FRMPD4: variants seen among roughly 807,000 people sequenced by gnomAD.
The protein encoded by FRMPD4 is FERM and PDZ domain containing 4.
FRMPD4 carries 22 observed loss-of-function variants against 94.1 expected under a neutral mutation model. The observed-to-expected ratio is 0.23, with a 90% CI of 0.17 to 0.33. FRMPD4 has a LOEUF of 0.33. FRMPD4 is among the 10% of genes least tolerant of loss of function. FRMPD4 has a pLI of 1.00. For synonymous variants in FRMPD4, 631 were observed against 548.6 expected, an observed-to-expected ratio of 1.15 and a Z score of -2.10; for missense variants, 1,111 against 1,339.9, an observed-to-expected ratio of 0.83 and a Z score of 2.67.
intron 1 of FRMPD4, among the ~76,000 whole-genome samples, chrX:12,163,648 T>C (rs771222611): frequency 8.9e-6 from 1 of 112,118 alleles, no homozygotes; most frequent in Non-Finnish European, 1.9e-5. Context: ...CCATTAAGGA[T>C]AGCACTATCC....
chrX:12,718,823 A>G (rs909243759), intron 16 of FRMPD4, 33 bp downstream of exon 16: 1 of 877,319 alleles, frequency 1.1e-6, no homozygotes, highest in African/African-American at 2.0e-5. Context: ...ACTTTGTATG[A>G]CATGCCAAGA....
At chrX:11,909,281 G>A (rs1451970376) in intron 3 of FRMPD4, among the ~76,000 whole-genome samples, 1 of 111,918 alleles carries the variant, frequency 8.9e-6, no homozygotes, top group African/African-American at 3.2e-5. Context: ...AGTTTTGGCA[G>A]TTTGTGTCTT....
At chrX:12,691,325 C>T (rs1018498688) in intron 8 of FRMPD4, among the ~76,000 whole-genome samples, 6 of 110,245 alleles carry the variant, frequency 5.4e-5, no homozygotes. Flanking sequence ...CTCTGCTGCC[C>T]AGAGTGGAGT....
intron 4 of FRMPD4, among the ~76,000 whole-genome samples, chrX:12,630,152 G>A (rs898695417): frequency 1.8e-5 from 2 of 111,783 alleles, no homozygotes; most frequent in African/African-American, 6.5e-5. Flanking sequence ...GAAATTCAGG[G>A]GCCACTGGCA....
chrX:12,419,669 A>G (rs903369578), intron 1 of FRMPD4, among the ~76,000 whole-genome samples: 1 of 111,137 alleles, frequency 9.0e-6, no homozygotes, highest in Non-Finnish European at 1.9e-5. Context: ...TTCTGCCCAT[A>G]TCAGTTCACT....
intron 1 of FRMPD4, among the ~76,000 whole-genome samples, chrX:11,846,436 G>A (rs1416152260): frequency 1.4e-4 from 15 of 110,608 alleles, no homozygotes; most frequent in Non-Finnish European, 2.3e-4. Flanking sequence ...AATCAATATC[G>A]TGAAAATGGC....
intron 1 of FRMPD4, among the ~76,000 whole-genome samples, chrX:12,402,530 C>T (rs2056621053): frequency 8.9e-6 from 1 of 112,163 alleles, no homozygotes; most frequent in Admixed American, 9.4e-5. Context: ...TTCCTAAAAT[C>T]TCATCCATTA....
intron 1 of FRMPD4, among the ~76,000 whole-genome samples, chrX:12,345,257 C>T (rs780939597): frequency 6.4e-5 from 7 of 110,038 alleles, no homozygotes; most frequent in East Asian, 2.9e-4. Context: ...TGGGTGGGTG[C>T]GTAGACTGTG....
At chrX:12,720,082 G>GGGAGAGAA (rs2042207668) in intron 16 of FRMPD4, among the ~76,000 whole-genome samples, 4 of 95,040 alleles carry the variant, frequency 4.2e-5, no homozygotes, top group African/African-American at 1.7e-4. Flanking sequence ...AAGAAAGAAA[G>GGGAGAGAA]AGAAAGAAAG....
At chrX:12,669,666 G>A (rs1292444546) in intron 4 of FRMPD4, among the ~76,000 whole-genome samples, 1 of 111,691 alleles carries the variant, frequency 9.0e-6, no homozygotes, top group African/African-American at 3.3e-5. Flanking sequence ...GATTATCCAG[G>A]TGGACCCAAT....
intron 4 of FRMPD4, among the ~76,000 whole-genome samples, chrX:12,616,215 C>A (rs1002357288): frequency 9.0e-6 from 1 of 110,854 alleles, no homozygotes; most frequent in African/African-American, 3.3e-5. Context: ...GTCTCTGCAT[C>A]GTGAATGGGA....
intron 1 of FRMPD4, among the ~76,000 whole-genome samples, chrX:12,272,073 C>CG (rs1284070881): frequency 8.9e-6 from 1 of 112,125 alleles, no homozygotes; most frequent in Non-Finnish European, 1.9e-5. Context: ...ACTTTGAATA[C>CG]GTTTCCTAAA....
At chrX:11,953,906 A>G (rs1053236399) in intron 3 of FRMPD4, among the ~76,000 whole-genome samples, 1 of 112,103 alleles carries the variant, frequency 8.9e-6, no homozygotes, top group Admixed American at 9.4e-5. Context: ...AGGTAAACAA[A>G]GGGGTTATTC....
rs192987013 is a variant in FRMPD4, at chrX:12,122,280, G to A, written c.95+244262G>A. Among the ~76,000 whole-genome samples, 26 of 111,887 alleles carry A rather than the reference G, an allele frequency of 2.3e-4. No homozygotes were observed. In the East Asian group the frequency reaches 5.9e-3, roughly 25 times the overall value. Reference sequence around the variant, plus strand: ...CTGTACCAAACAGCCTAAAATTTACGAAAGATGAATATAAATGTTGTTCCT... The same window carrying A: ...CTGTACCAAACAGCCTAAAATTTACAAAAGATGAATATAAATGTTGTTCCT... On this transcript the variant is annotated intron_variant, in intron 3 of 18. Transcript: ENST00000640291.
At chrX:12,346,377 T>C in intron 1 of FRMPD4, among the ~76,000 whole-genome samples, 1 of 111,146 alleles carries the variant, frequency 9.0e-6, no homozygotes, top group Middle Eastern at 4.6e-3. Context: ...GAATGTATTA[T>C]AGACAAGGCT....
intron 2 of FRMPD4, among the ~76,000 whole-genome samples, chrX:12,589,430 G>A (rs765771205): frequency 3.1e-4 from 35 of 111,898 alleles, no homozygotes; most frequent in African/African-American, 1.0e-3. Context: ...TAATATATCC[G>A]AAACTGAATC....
intron 1 of FRMPD4, among the ~76,000 whole-genome samples, chrX:12,468,092 A>C (rs2057468794): frequency 8.9e-6 from 1 of 112,310 alleles, no homozygotes; most frequent in African/African-American, 3.2e-5. Context: ...GTGAATTTGC[A>C]GGAATTACTA....
intron 2 of FRMPD4, among the ~76,000 whole-genome samples, chrX:12,577,113 T>C (rs1443774265): frequency 5.4e-5 from 6 of 112,039 alleles, no homozygotes; most frequent in Non-Finnish European, 9.4e-5. Context: ...TAAATGTTTA[T>C]TAGTTACTGG....
At chrX:12,424,019 CT>C (rs1298746056) in intron 1 of FRMPD4, among the ~76,000 whole-genome samples, 1 of 112,290 alleles carries the variant, frequency 8.9e-6, no homozygotes, top group Non-Finnish European at 1.9e-5. Context: ...ATATCATGCC[CT>C]TTTGAGTTTA....
Sources: gnomAD v4.1 joint callset for allele counts (sites outside exome capture counted in the v4.1 genomes callset) on GRCh38, gnomAD v4.1.1 for gene constraint, MANE v1.5 for transcripts, NCBI Gene and HGNC (gene_info 2026-07-23, HGNC 2026-07-21) for gene names.